The following DGAT2 variants were observed in gnomAD, a reference collection of about 807,000 sequenced individuals.
DGAT2 encodes diacylglycerol O-acyltransferase 2, also known as acyl-CoA retinol O-fatty-acyltransferase.
DGAT2 carries 33 observed loss-of-function variants against 48.4 expected under a neutral mutation model. The ratio of observed to expected loss-of-function variants is 0.68; its 90% CI spans 0.52 to 0.91. The LOEUF is 0.91. DGAT2 is among the 40% of genes least tolerant of loss of function. The pLI is 0.00. For missense variants in DGAT2, 446 were observed against 493.7 expected (o/e 0.90, Z 0.92); for synonymous variants, 191 against 194.1 (o/e 0.98, Z 0.13).
chr11:75,779,275 C>G (rs1373220823), intron 1 of DGAT2, among the ~76,000 whole-genome samples: 1 of 152,174 alleles, frequency 6.6e-6, no homozygotes, highest in Non-Finnish European at 1.5e-5. Flanking sequence ...GGAGGGAGCT[C>G]TCCTTTGCCA....
At chr11:75,786,609 C>A (rs1470391768) in intron 2 of DGAT2, among the ~76,000 whole-genome samples, 2 of 152,222 alleles carry the variant, frequency 1.3e-5, no homozygotes, top group Non-Finnish European at 2.9e-5. Context: ...CTTCTCAACA[C>A]CCTCGCCTGG....
rs1289074795 is a variant in DGAT2 at position 75,797,207 on chromosome 11, T to C, written c.684T>C (p.Asn228=). Residue 228 remains asparagine, a synonymous_variant, in exon 6 of 8, where the codon AAT becomes AAC. Coordinates refer to ENST00000228027, the MANE Select transcript of DGAT2 (RefSeq NM_032564.5). ...CCATAGACTATTTGCTTTCAAAGAA[T>C]GGGAGTGGCAATGCTATCATCATCG... ...RDTIDYLLSK[N]GSGNAIIIVV... 2.5e-6 allele frequency: 4 copies of C among 1,569,168 alleles called. No individual in the cohort carries two copies. In the African/African-American group the frequency reaches 5.5e-5, roughly 22 times the overall value.
intron 1 of DGAT2, chr11:75,773,713 G>T (rs1944778869): frequency 6.6e-6 from 1 of 152,306 alleles, no homozygotes; most frequent in South Asian, 2.1e-4. Flanking sequence ...AGCACCTTCT[G>T]TGTGTCAGCT....
At chr11:75,771,967 G>GATC (rs1175491411) in intron 1 of DGAT2, among the ~76,000 whole-genome samples, 1 of 152,142 alleles carries the variant, frequency 6.6e-6, no homozygotes, top group African/African-American at 2.4e-5. Context: ...TTACAGATGG[G>GATC]ATCACTGGAG....
chr11:75,798,441 G>A lies in DGAT2; in HGVS notation c.1012+12G>A, dbSNP rs370920293. On this transcript the variant is annotated intron_variant, in intron 7 of 7. Transcript: ENST00000228027. ...CATCACCACTGTTGGTAAGCCCCTA[G>A]CCTGCAGACCAAGGGCTGTCCTGAA... 17 of 1,611,328 alleles carry A rather than the reference G, an allele frequency of 1.1e-5. No homozygotes were observed. Among genetic ancestry groups the A allele is most frequent in the Non-Finnish European group, 1.4e-5 (16 of 1,179,942 alleles).
At position 75,770,067 on chromosome 11, in the gene DGAT2, A is replaced by C. The variant is rs1365819829; in HGVS notation, c.121+955A>C. On this transcript the variant is annotated intron_variant, in intron 1 of 7. Coordinates refer to ENST00000228027, the MANE Select transcript of DGAT2 (RefSeq NM_032564.5). Reference sequence around the variant, plus strand: ...GAAAAAAATTTCTGGTAAATCGACTATCCAAAGATACCTTCCTATTAGCAT... The same window carrying C: ...GAAAAAAATTTCTGGTAAATCGACTCTCCAAAGATACCTTCCTATTAGCAT... 2.0e-5 allele frequency among the ~76,000 whole-genome samples: 3 copies of C among 152,244 alleles called. No individual in the cohort carries two copies. The East Asian group carries it at 5.8e-4, about 29-fold the overall frequency.
At chr11:75,775,397 C>T (rs1168841377) in intron 1 of DGAT2, among the ~76,000 whole-genome samples, 2 of 152,242 alleles carry the variant, frequency 1.3e-5, no homozygotes, top group Non-Finnish European at 2.9e-5. Flanking sequence ...AGTTTGGCTT[C>T]CCCTTTGGGC....
chr11:75,776,943 T>G (rs1284616609), intron 1 of DGAT2: 2 of 152,192 alleles, frequency 1.3e-5, no homozygotes, highest in African/African-American at 4.8e-5. Flanking sequence ...CTGCTACCTC[T>G]CCTCATAATA....
intron 6 of DGAT2, among the ~76,000 whole-genome samples, chr11:75,797,600 C>T (rs1365569159): frequency 1.3e-5 from 2 of 152,190 alleles, no homozygotes; most frequent in Admixed American, 6.5e-5. Flanking sequence ...GACTGGACCA[C>T]CTGGGGCCAG....
At chr11:75,789,270 T>C (rs1282029442) in intron 2 of DGAT2, among the ~76,000 whole-genome samples, 1 of 152,086 alleles carries the variant, frequency 6.6e-6, no homozygotes, top group Non-Finnish European at 1.5e-5. Context: ...CATCTCAGCC[T>C]CCTGAGTAGC....
chr11:75,780,752 G>A (rs1944854799), intron 1 of DGAT2, among the ~76,000 whole-genome samples: 1 of 152,224 alleles, frequency 6.6e-6, no homozygotes, highest in South Asian at 2.1e-4. Context: ...CCTGAATTGG[G>A]TTCAGCTTTG....
chr11:75,798,126 T>A, intron 6 of DGAT2, 101 bp from the exon 7 acceptor site: 9 of 1,244,298 alleles, frequency 7.2e-6, no homozygotes, highest in Non-Finnish European at 1.0e-5. Flanking sequence ...TACACCCAGC[T>A]GGGGGAGGGG....
At chr11:75,769,644 G>A (rs929318151) in intron 1 of DGAT2, among the ~76,000 whole-genome samples, 3 of 152,110 alleles carry the variant, frequency 2.0e-5, no homozygotes, top group Non-Finnish European at 4.4e-5. Flanking sequence ...GTAGAACTGA[G>A]GTCCTCAGTG....
At chr11:75,790,055 G>A in intron 2 of DGAT2, 133 bp from the exon 3 acceptor site, 1 of 698,494 alleles carries the variant, frequency 1.4e-6, no homozygotes. Flanking sequence ...TATTTCTCAG[G>A]GTTTGTGGGC....
At chr11:75,789,211 G>C (rs117890038) in intron 2 of DGAT2, among the ~76,000 whole-genome samples, 1 of 151,900 alleles carries the variant, frequency 6.6e-6, no homozygotes, top group African/African-American at 2.4e-5. Flanking sequence ...GTGTAGTGGC[G>C]CGATCATGGC....
rs532851661 is a variant in DGAT2 at position 75,798,196 on chromosome 11, G to A, written c.810-31G>A. On this transcript the variant is annotated intron_variant, in intron 6 of 7. Transcript: ENST00000228027. ...CATAGAAACTGAAGCCAGTAAGTAGGGTATGACAGACCCTGGCCTCTCCCT... is the reference window on the plus strand; with the variant it reads ...CATAGAAACTGAAGCCAGTAAGTAGAGTATGACAGACCCTGGCCTCTCCCT... 563 of 1,611,212 alleles carry A rather than the reference G, an allele frequency of 3.5e-4. 7 individuals carry two copies. The South Asian group carries it at 6.0e-3, about 17-fold the overall frequency.
chr11:75,798,147 C>A, intron 6 of DGAT2, 80 bp from the exon 7 acceptor site: 1 of 1,454,750 alleles, frequency 6.9e-7, no homozygotes, highest in Non-Finnish European at 9.5e-7. Context: ...GATGCTTGGC[C>A]AGTGTCCAGG....
intron 1 of DGAT2, among the ~76,000 whole-genome samples, chr11:75,780,633 C>T (rs1348155583): frequency 6.6e-6 from 1 of 152,164 alleles, no homozygotes; most frequent in East Asian, 1.9e-4. Context: ...TTCATTTCTC[C>T]CCTTCCCCTT....
chr11:75,796,518 A>G lies in DGAT2; in HGVS notation c.620A>G (p.Tyr207Cys). 6.2e-7 allele frequency: 1 copy of G among 1,612,530 alleles called. No individual in the cohort carries two copies. Among genetic ancestry groups the G allele is most frequent in the Non-Finnish European group, 8.5e-7 (1 of 1,179,888 alleles). ...TTCCGAATGCCTGTGTTGAGGGAGT[A>G]CCTGATGTCTGGAGGTAAGAATCCA... ...GNFRMPVLRE[Y>C]LMSGGICPVS... is the part of the protein sequence containing the mutation. The change falls in exon 5 of 8, where the codon TAC becomes TGC. Residue 207 changes from tyrosine (Y) to cysteine (C), a missense_variant. By Grantham distance (194) the Tyr-to-Cys change is radical (BLOSUM62 -2). Coordinates refer to ENST00000228027, the MANE Select transcript of DGAT2 (RefSeq NM_032564.5).
Sources: allele counts gnomAD v4.1 joint callset (sites outside exome capture counted in the v4.1 genomes callset), GRCh38; gene constraint gnomAD v4.1.1; transcripts MANE v1.5; gene names NCBI Gene and HGNC (gene_info 2026-07-23, HGNC 2026-07-21).